Variants in TRAK2 observed in about 807,000 individuals in gnomAD.
TRAK2 encodes trafficking kinesin-binding protein 2.
TRAK2 carries 81 observed loss-of-function variants against 104.6 expected under a neutral mutation model. The ratio of observed to expected loss-of-function variants is 0.77; its 90% CI spans 0.65 to 0.93. The LOEUF (loss-of-function observed/expected upper bound fraction) is 0.93, where lower values mean the gene tolerates loss of function less well. Among genes scored for constraint, TRAK2 ranks in the 40% least tolerant of loss-of-function variants. TRAK2 has a pLI of 0.00. For missense variants in TRAK2, 1,002 were observed against 1,089.0 expected, an observed-to-expected ratio of 0.92 and a Z score of 1.12; for synonymous variants, 406 against 394.4, an observed-to-expected ratio of 1.03 and a Z score of -0.35.
At chr2:201,435,454 G>A (rs1162972671) in intron 1 of TRAK2, among the ~76,000 whole-genome samples, 4 of 152,174 alleles carry the variant, frequency 2.6e-5, no homozygotes, top group African/African-American at 9.7e-5. Flanking sequence ...CTGCCATTTG[G>A]CATAAAAGCT....
rs201232549 is a variant in TRAK2, at chr2:201,389,811, A to G, written c.1183T>C (p.Phe395Leu). 230 of 1,612,334 alleles carry G rather than the reference A, an allele frequency of 1.4e-4. No individual in the cohort carries two copies. Among genetic ancestry groups the G allele is most frequent in the Non-Finnish European group, 1.8e-4 (209 of 1,179,252 alleles). Reference protein sequence around the residue: ...KLSLDEESSLFKQKAQQKRVF... With the variant: ...KLSLDEESSLLKQKAQQKRVF... ...GTGACCTGTACTTACTTTTGTTTAAAGAGAGAAGATTCCTCATCCAAACTC... is the reference window on the plus strand; with the variant it reads ...GTGACCTGTACTTACTTTTGTTTAAGGAGAGAAGATTCCTCATCCAAACTC... The change falls in exon 11 of 16, where the codon TTT becomes CTT. Residue 395 changes from phenylalanine (F) to leucine (L), a missense_variant. Physicochemically the swap from Phe to Leu is conservative, Grantham distance 22. Coordinates refer to ENST00000332624, the MANE Select transcript of TRAK2 (RefSeq NM_015049.3).
chr2:201,384,186 G>GAA lies in TRAK2; in HGVS notation c.1993_1994insTT (p.Ser665PhefsTer47). ...GAAAGTGAATGTTGAGTTTGTGCAC[G>GAA]ACAGGCACTTTCCTGGGTTGGCGGT... On this transcript the variant is annotated frameshift_variant, in exon 15 of 16. Coordinates refer to ENST00000332624, the MANE Select transcript of TRAK2 (RefSeq NM_015049.3). LOFTEE classifies it high-confidence loss of function. 1 of 1,613,404 alleles carries GAA rather than the reference G, an allele frequency of 6.2e-7. No homozygotes were observed.
At chr2:201,415,923 TAAA>T (rs960850383) in intron 2 of TRAK2, among the ~76,000 whole-genome samples, 2 of 151,654 alleles carry the variant, frequency 1.3e-5, no homozygotes, top group African/African-American at 4.8e-5. Flanking sequence ...AAACCAGTGA[TAAA>T]GAAGAAAATC....
At chr2:201,385,801 T>C (rs1951383297) in intron 14 of TRAK2, among the ~76,000 whole-genome samples, 1 of 152,210 alleles carries the variant, frequency 6.6e-6, no homozygotes, top group African/African-American at 2.4e-5. Flanking sequence ...GTAAAAAAAT[T>C]AGCTATTTTT....
chr2:201,426,119 G>A (rs1951785799), intron 1 of TRAK2, among the ~76,000 whole-genome samples: 2 of 152,134 alleles, frequency 1.3e-5, no homozygotes, highest in Non-Finnish European at 2.9e-5. Context: ...GGCCTGTCAG[G>A]AACCAGGCTG....
At chr2:201,410,134 A>T (rs1951631886) in intron 2 of TRAK2, among the ~76,000 whole-genome samples, 1 of 152,138 alleles carries the variant, frequency 6.6e-6, no homozygotes, top group Non-Finnish European at 1.5e-5. Flanking sequence ...TGTCTCTACG[A>T]GAAACACACA....
chr2:201,404,120 A>C (rs914197148), intron 3 of TRAK2, among the ~76,000 whole-genome samples: 7 of 152,300 alleles, frequency 4.6e-5, no homozygotes, highest in Admixed American at 6.5e-5. Context: ...CAAAACTCTT[A>C]AGTGTTTAAA....
intron 15 of TRAK2, among the ~76,000 whole-genome samples, chr2:201,383,640 T>C (rs1951362490): frequency 6.6e-6 from 1 of 152,218 alleles, no homozygotes; most frequent in African/African-American, 2.4e-5. Flanking sequence ...AATTTTAACC[T>C]GTATTCGTTC....
intron 2 of TRAK2, among the ~76,000 whole-genome samples, chr2:201,417,772 G>A (rs1951706930): frequency 6.6e-6 from 1 of 152,082 alleles, no homozygotes; most frequent in Non-Finnish European, 1.5e-5. Context: ...AAAGGAATAT[G>A]TAAAATTGTC....
At position 201,407,612 on chromosome 2, in the gene TRAK2, C is replaced by A; in HGVS notation, c.92-15G>T. 6.3e-7 allele frequency: 1 copy of A among 1,599,148 alleles called. No homozygotes were observed. The highest frequency in any genetic ancestry group is 1.1e-5 in the South Asian group (1 of 88,798). On this transcript the variant is annotated splice_polypyrimidine_tract_variant and intron_variant, in intron 2 of 15. Transcript: ENST00000332624. ...GGAGCAGACATCTAAAGAGGAGAGT[C>A]TATGTAAATGAATCCAATATATTTC...
intron 2 of TRAK2, among the ~76,000 whole-genome samples, chr2:201,420,180 C>A (rs1421402525): frequency 6.6e-6 from 1 of 152,176 alleles, no homozygotes; most frequent in South Asian, 2.1e-4. Flanking sequence ...TACTACTCAC[C>A]GGGGGTTCAA....
Position 201,394,923 on chromosome 2 carries a change from C to T in TRAK2, c.901-51G>A, listed in dbSNP as rs760437973. On this transcript the variant is annotated intron_variant, in intron 8 of 15. Coordinates refer to ENST00000332624, the MANE Select transcript of TRAK2 (RefSeq NM_015049.3). ...TGAAGCCTTTCCAAGTAAAATATAG[C>T]TATTCTCTTTCTTATAAAGACATGT... 16 of 1,439,166 alleles carry T rather than the reference C, an allele frequency of 1.1e-5. No individual in the cohort carries two copies. In the Admixed American group the frequency reaches 1.5e-4, roughly 13 times the overall value. The allele number at this position is 1,439,166 out of a possible 1,614,324, so 89.1% of individuals were successfully genotyped here.
At chr2:201,395,188 C>A in intron 8 of TRAK2, 126 bp downstream of exon 8, 2 of 745,258 alleles carry the variant, frequency 2.7e-6, no homozygotes, top group East Asian at 2.7e-5. Flanking sequence ...AAACAGCAAT[C>A]AGATTAGGGC....
chr2:201,449,921 C>T (rs957384481), intron 1 of TRAK2, among the ~76,000 whole-genome samples: 3 of 151,946 alleles, frequency 2.0e-5, no homozygotes, highest in Non-Finnish European at 4.4e-5. Context: ...TTGAACTCTC[C>T]ACCTCAGGAG....
rs577491124 is a variant in TRAK2, at chr2:201,394,759, T to C, written c.975+39A>G. ...TGAAGATGAAAGAAACTAGTCACTC[T>C]TTCCCCTCCTGAATTACACAAGATA... On this transcript the variant is annotated intron_variant, in intron 9 of 15. Transcript: ENST00000332624. 22 of 1,525,782 alleles carry C rather than the reference T, an allele frequency of 1.4e-5. No homozygotes were observed. In the South Asian group the frequency reaches 2.4e-4, roughly 17 times the overall value. The allele number at this position is 1,525,782 out of a possible 1,614,324, so 94.5% of individuals were successfully genotyped here.
intron 13 of TRAK2, 134 bp from the exon 14 acceptor site, chr2:201,386,618 G>T: frequency 8.2e-7 from 1 of 1,217,842 alleles, no homozygotes. Flanking sequence ...TAATAATTTG[G>T]TAAAAGCTGC....
At position 201,389,480 on chromosome 2, in the gene TRAK2, T is replaced by A. The variant is rs1369197324; in HGVS notation, c.1217A>T (p.Asp406Val). ...KQKAQQKRVF[D>V]TVRIANDTRG... ...TGTGTCATTGGCAATCCTGACGGTA[T>A]CAAATACCCGCTTCTGTTGGGCTCT... The change falls in exon 12 of 16, where the codon GAT becomes GTT. Residue 406 changes from aspartate (D) to valine (V), a missense_variant. Coordinates refer to ENST00000332624, the MANE Select transcript of TRAK2 (RefSeq NM_015049.3). The A allele has an allele frequency of 2.5e-6, 4 of 1,614,110 alleles. No homozygotes were observed. Among genetic ancestry groups the A allele is most frequent in the Non-Finnish European group, 2.5e-6 (3 of 1,180,028 alleles).
At chr2:201,412,170 T>C (rs1951652924) in intron 2 of TRAK2, 3 of 970,532 alleles carry the variant, frequency 3.1e-6, no homozygotes, top group Middle Eastern at 2.1e-4. Flanking sequence ...AAAGGTACCA[T>C]GTCAGGGTTT....
Position 201,396,818 on chromosome 2 carries a change from T to C in TRAK2, c.769+684A>G, listed in dbSNP as rs184175555. Among the ~76,000 whole-genome samples, 10 of 152,228 alleles carry C rather than the reference T, an allele frequency of 6.6e-5. No individual in the cohort carries two copies. The East Asian group carries it at 1.7e-3, about 26-fold the overall frequency. On this transcript the variant is annotated intron_variant, in intron 7 of 15. Coordinates refer to ENST00000332624, the MANE Select transcript of TRAK2 (RefSeq NM_015049.3). ...ATATCCTGGGAAGTATGGAGTAGGA[T>C]GGCACAACATTTCATCACGCTACTC...
Sources: allele counts gnomAD v4.1 joint callset (sites outside exome capture counted in the v4.1 genomes callset), GRCh38; gene constraint gnomAD v4.1.1; transcripts MANE v1.5; gene names NCBI Gene and HGNC (gene_info 2026-07-23, HGNC 2026-07-21).